The following GAB1 variants were observed in gnomAD, a reference collection of about 807,000 sequenced individuals.
The protein encoded by GAB1 is GRB2-associated-binding protein 1.
In GAB1, 19 loss-of-function variants were observed where a neutral mutation model predicts 66.5. The observed-to-expected ratio is 0.29, with a 90% CI of 0.20 to 0.42. The LOEUF is 0.42. Among genes scored for constraint, GAB1 ranks in the 10% least tolerant of loss-of-function variants. GAB1 has a pLI of 1.00. For missense variants in GAB1, 732 were observed against 858.5 expected (o/e 0.85, Z 1.84); for synonymous variants, 294 against 301.4 (o/e 0.98, Z 0.25).
intron 1 of GAB1, among the ~76,000 whole-genome samples, chr4:143,376,435 G>A (rs980438570): frequency 1.3e-5 from 2 of 152,218 alleles, no homozygotes; most frequent in African/African-American, 4.8e-5. Context: ...CTGGAATGTG[G>A]CTGGATTGCT....
chr4:143,448,681 T>C (rs562481021), intron 6 of GAB1, among the ~76,000 whole-genome samples: 12,248 of 151,730 alleles, frequency 0.081, 1,113 homozygotes, highest in African/African-American at 0.21. Context: ...TCTTCTCTCT[T>C]TTTTTCTTTA....
chr4:143,392,181 C>T (rs1731217929), intron 1 of GAB1, among the ~76,000 whole-genome samples: 1 of 152,106 alleles, frequency 6.6e-6, no homozygotes, highest in African/African-American at 2.4e-5. Flanking sequence ...TTATTTTAAA[C>T]AGATGGTCCC....
In GAB1 at chr4:143,415,674, T is replaced by A. The variant is rs1732641358; in HGVS notation, c.270T>A (p.Ile90=). The A allele has an allele frequency of 6.2e-7, 1 of 1,613,926 alleles. No homozygotes were observed. The highest frequency in any genetic ancestry group is 1.3e-5 in the African/African-American group (1 of 74,946). The change falls in exon 2 of 10, where the codon ATT becomes ATA. Residue 90 remains isoleucine (I), a synonymous_variant. Coordinates refer to ENST00000262994, the MANE Select transcript of GAB1 (RefSeq NM_002039.4). The part of the protein sequence containing the change: ...ENSYIFDINT[I]DRIFYLVADS... ...GCTACATTTTTGATATCAACACTAT[T>A]GACCGGATTTTCTACTTGGTAGCAG...
intron 8 of GAB1, among the ~76,000 whole-genome samples, chr4:143,461,057 A>G (rs1486973383): frequency 1.3e-5 from 2 of 152,336 alleles, no homozygotes; most frequent in East Asian, 3.9e-4. Context: ...ACTACCATAA[A>G]GCATGAGAAT....
chr4:143,344,347 C>T (rs542609819), intron 1 of GAB1, among the ~76,000 whole-genome samples: 1 of 152,288 alleles, frequency 6.6e-6, no homozygotes, highest in Admixed American at 6.5e-5. Context: ...ATTTCACATT[C>T]CTCGCATCAA....
At position 143,412,480 on chromosome 4, in the gene GAB1, C is replaced by CTAGG. The variant is rs1370062682; in HGVS notation, c.73-2996_73-2993dup. 2.6e-5 allele frequency among the ~76,000 whole-genome samples: 4 copies of CTAGG among 152,160 alleles called. No individual in the cohort carries two copies. The East Asian group carries it at 7.7e-4, about 29-fold the overall frequency. On this transcript the variant is annotated intron_variant, in intron 1 of 9. Coordinates refer to ENST00000262994, the MANE Select transcript of GAB1 (RefSeq NM_002039.4). ...ATTTATTGTACAGATATGCTATGTA[C>CTAGG]TAGGCACTGTGCTATGGCAAATAAA...
At position 143,473,058 on chromosome 4, in the gene GAB1, C is replaced by T. The variant is rs943320186; in HGVS notation, c.*3869C>T. The T allele has an allele frequency of 6.6e-6, 1 of 152,040 alleles. No individual in the cohort carries two copies. Among genetic ancestry groups the T allele is most frequent in the African/African-American group, 2.4e-5 (1 of 41,378 alleles). 9.4% of individuals were successfully genotyped at this position (152,040 alleles called of 1,614,324 possible). ...GTCTTCTATAGACTTAATTTTATTC[C>T]GGTTCAGTATAATCTCTGTTAACAG... On this transcript the variant is annotated 3_prime_UTR_variant, in exon 10 of 10. Coordinates refer to ENST00000262994, the MANE Select transcript of GAB1 (RefSeq NM_002039.4).
chr4:143,424,216 GT>G (rs1560759817), intron 2 of GAB1, among the ~76,000 whole-genome samples: 2 of 152,028 alleles, frequency 1.3e-5, no homozygotes, highest in African/African-American at 2.4e-5. Context: ...AGTGAGTAGT[GT>G]TTTTTGGTCA....
At chr4:143,405,234 G>T (rs58185317) in intron 1 of GAB1, among the ~76,000 whole-genome samples, 2,031 of 152,064 alleles carry the variant, frequency 0.013, 34 homozygotes, top group African/African-American at 0.034. Flanking sequence ...GATATATAGA[G>T]AGAGAGAGAG....
intron 2 of GAB1, among the ~76,000 whole-genome samples, chr4:143,421,986 T>C (rs1427006015): frequency 1.3e-5 from 2 of 152,190 alleles, no homozygotes; most frequent in Admixed American, 1.3e-4. Context: ...GGGTCTTCAG[T>C]AGTTGAGTGA....
In GAB1 at chr4:143,470,988, C is replaced by T. The variant is rs145371277; in HGVS notation, c.*1799C>T. 130 of 152,270 alleles carry T rather than the reference C, an allele frequency of 8.5e-4. No homozygotes were observed. Among genetic ancestry groups the T allele is most frequent in the African/African-American group, 3.1e-3 (127 of 41,546 alleles). 9.4% of individuals were successfully genotyped at this position (152,270 alleles called of 1,614,324 possible). On this transcript the variant is annotated 3_prime_UTR_variant, in exon 10 of 10. Transcript: ENST00000262994. ...AAAAAGATTGATTGAGTTTGGTGTG[C>T]AAGCTGTTTTATAATGAAACAACAA...
chr4:143,359,199 G>A (rs1306924981), intron 1 of GAB1, among the ~76,000 whole-genome samples: 1 of 152,180 alleles, frequency 6.6e-6, no homozygotes, highest in Non-Finnish European at 1.5e-5. Context: ...CGTTTTCTCT[G>A]AGTAACAGGA....
chr4:143,350,378 C>CTTAA (rs1729152700), intron 1 of GAB1, among the ~76,000 whole-genome samples: 1 of 152,140 alleles, frequency 6.6e-6, no homozygotes. Flanking sequence ...CTAAAACACT[C>CTTAA]TTAAGGCTTT....
chr4:143,438,659 G>T, intron 4 of GAB1, 59 bp downstream of exon 4: 1 of 1,527,878 alleles, frequency 6.5e-7, no homozygotes, highest in Non-Finnish European at 8.9e-7. Flanking sequence ...CGATTTTTCT[G>T]AATATTTGTT....
chr4:143,426,103 G>A (rs887805630), intron 2 of GAB1: 17 of 489,404 alleles, frequency 3.5e-5, no homozygotes, highest in African/African-American at 3.3e-4. Context: ...AAGATAAAAA[G>A]TTAGAGGTTG....
At chr4:143,348,744 A>G (rs1049946169) in intron 1 of GAB1, among the ~76,000 whole-genome samples, 59 of 152,128 alleles carry the variant, frequency 3.9e-4, no homozygotes, top group Admixed American at 3.8e-3. Context: ...CTTGGCTTGC[A>G]TGGCCCTTTA....
intron 1 of GAB1, among the ~76,000 whole-genome samples, chr4:143,385,610 C>G (rs1012586702): frequency 2.0e-5 from 3 of 152,156 alleles, no homozygotes; most frequent in African/African-American, 7.2e-5. Context: ...TCACCATGAT[C>G]TCATTTCAGC....
chr4:143,473,390 A>G lies in GAB1; in HGVS notation c.*4201A>G. Reference sequence around the variant, plus strand: ...ATTTATATTTCCAGCCCTTCCTTAGAGTCTTTATCTGCATCAAAAACCCAA... The same window carrying G: ...ATTTATATTTCCAGCCCTTCCTTAGGGTCTTTATCTGCATCAAAAACCCAA... On this transcript the variant is annotated 3_prime_UTR_variant, in exon 10 of 10. Transcript: ENST00000262994. The G allele has an allele frequency of 6.6e-6, 1 of 152,302 alleles. No individual in the cohort carries two copies. The highest frequency in any genetic ancestry group is 1.9e-4 in the East Asian group (1 of 5,174). The allele number at this position is 152,302 out of a possible 1,614,324, so 9.4% of individuals were successfully genotyped here.
Position 143,433,715 on chromosome 4 carries a change from A to G in GAB1, c.592A>G (p.Arg198Gly), listed in dbSNP as rs1733796623. 6.2e-7 allele frequency: 1 copy of G among 1,610,756 alleles called. No homozygotes were observed. Among genetic ancestry groups the G allele is most frequent in the African/African-American group, 1.3e-5 (1 of 74,850 alleles). ...TCAAAGCAAGAAGCCCGAACCCACC[A>G]GGTAAATTATATATGCCCATGTGAG... ...NCQSKKPEPT[R>G]THADSAKSTS... The change falls in exon 3 of 10, where the codon AGA becomes GGA. Residue 198 changes from arginine to glycine, a missense_variant and splice_region_variant. Arg to Gly is a moderately radical substitution (Grantham distance 125). Transcript: ENST00000262994.
Sources: allele counts gnomAD v4.1 joint callset (sites outside exome capture counted in the v4.1 genomes callset), GRCh38; gene constraint gnomAD v4.1.1; transcripts MANE v1.5; gene names NCBI Gene and HGNC (gene_info 2026-07-23, HGNC 2026-07-21).